Variants in LCP1 observed in about 807,000 individuals in gnomAD.
LCP1 encodes the protein lymphocyte cytosolic protein 1, also known as plastin-2.
A neutral mutation model predicts 72.0 loss-of-function variants in LCP1; 23 were observed. The observed-to-expected ratio is 0.32, with a 90% CI of 0.23 to 0.45. LCP1 has a LOEUF of 0.45. Among genes scored for constraint, LCP1 ranks in the 20% least tolerant of loss-of-function variants. The pLI is 1.00. For missense variants in LCP1, 571 were observed against 748.3 expected (o/e 0.76, Z 2.76); for synonymous variants, 245 against 275.4 (o/e 0.89, Z 1.09).
At chr13:46,133,742 G>A (rs1416074980) in intron 14 of LCP1, among the ~76,000 whole-genome samples, 1 of 151,786 alleles carries the variant, frequency 6.6e-6, no homozygotes, top group Non-Finnish European at 1.5e-5. Flanking sequence ...GAATGGGGAG[G>A]GAGGGAGGAG....
intron 1 of LCP1, among the ~76,000 whole-genome samples, chr13:46,173,801 G>A: frequency 6.6e-6 from 1 of 152,206 alleles, no homozygotes; most frequent in Admixed American, 6.5e-5. Flanking sequence ...AGGGGCTCCG[G>A]GCTTTGCCTT....
chr13:46,161,722 C>T (rs938968183), intron 1 of LCP1, among the ~76,000 whole-genome samples: 2 of 152,084 alleles, frequency 1.3e-5, no homozygotes, highest in East Asian at 1.9e-4. Flanking sequence ...AGAAAGAAAG[C>T]GTAACTGAAA....
At chr13:46,166,554 A>G (rs1226628951) in intron 1 of LCP1, among the ~76,000 whole-genome samples, 1 of 152,202 alleles carries the variant, frequency 6.6e-6, no homozygotes, top group East Asian at 1.9e-4. Context: ...ATTTCAGTAC[A>G]TTTCCAGAGG....
rs1384625332 is a variant in LCP1, at chr13:46,145,766, G to A, written c.1174+1142C>T. On this transcript the variant is annotated intron_variant, in intron 10 of 15. Transcript: ENST00000323076. ...CTACTAAAAATACAAAAAATTAGCC[G>A]GGCGTAGTGGCGGGCGCCTGTAGTC... 2.6e-5 allele frequency among the ~76,000 whole-genome samples: 3 copies of A among 117,556 alleles called. 1 individual carries two copies. Among genetic ancestry groups the A allele is most frequent in the Non-Finnish European group, 5.2e-5 (3 of 57,606 alleles). The allele number at this position is 117,556 out of a possible 152,430, so 77.1% of individuals were successfully genotyped here.
chr13:46,144,103 T>C (rs2045715493), intron 11 of LCP1, among the ~76,000 whole-genome samples: 2 of 152,018 alleles, frequency 1.3e-5, no homozygotes, highest in South Asian at 4.1e-4. Context: ...AGAAGAAAAT[T>C]GCTTTAACAA....
At chr13:46,160,465 C>A (rs1043681265) in intron 1 of LCP1, among the ~76,000 whole-genome samples, 1 of 152,080 alleles carries the variant, frequency 6.6e-6, no homozygotes, top group Non-Finnish European at 1.5e-5. Flanking sequence ...TTTGACCAAG[C>A]CAACAGATAC....
Position 46,168,916 on chromosome 13 carries a change from C to A in LCP1, c.-24-9230G>T, listed in dbSNP as rs1002338319. ...ACCTGCTTTTTTAGGGCTTATTCTC[C>A]AAATCTTTCATAGTTTTCTTTGCTA... On this transcript the variant is annotated intron_variant, in intron 1 of 15. Coordinates refer to ENST00000323076, the MANE Select transcript of LCP1 (RefSeq NM_002298.5). Among the ~76,000 whole-genome samples the A allele has an allele frequency of 2.0e-5, 3 of 152,134 alleles. No individual in the cohort carries two copies. The East Asian group carries it at 5.8e-4, about 29-fold the overall frequency.
intron 10 of LCP1, among the ~76,000 whole-genome samples, chr13:46,145,344 G>A (rs1015533846): frequency 6.6e-6 from 1 of 152,206 alleles, no homozygotes; most frequent in Admixed American, 6.5e-5. Flanking sequence ...GCAGAGGACA[G>A]AGTGTTTGAC....
At chr13:46,165,287 T>C (rs2045869871) in intron 1 of LCP1, among the ~76,000 whole-genome samples, 1 of 151,772 alleles carries the variant, frequency 6.6e-6, no homozygotes, top group Admixed American at 6.6e-5. Context: ...GGTGGGAGGA[T>C]CACTTGAACC....
At chr13:46,155,698 G>C (rs1329604079) in intron 5 of LCP1, among the ~76,000 whole-genome samples, 1 of 152,166 alleles carries the variant, frequency 6.6e-6, no homozygotes, top group African/African-American at 2.4e-5. Context: ...AAGAGCTACA[G>C]AGGTATTTTC....
chr13:46,174,849 A>G (rs986328046), intron 1 of LCP1, among the ~76,000 whole-genome samples: 2 of 151,766 alleles, frequency 1.3e-5, no homozygotes, highest in African/African-American at 2.4e-5. Flanking sequence ...AAAAAAAAAA[A>G]AAGAAAAAAG....
intron 11 of LCP1, among the ~76,000 whole-genome samples, chr13:46,143,683 C>A (rs2045711954): frequency 6.6e-6 from 1 of 152,190 alleles, no homozygotes; most frequent in South Asian, 2.1e-4. Flanking sequence ...GTACACCAAA[C>A]CCCTGCAACA....
chr13:46,163,048 G>A (rs1162354659), intron 1 of LCP1, among the ~76,000 whole-genome samples: 3 of 151,586 alleles, frequency 2.0e-5, no homozygotes, highest in East Asian at 2.0e-4. Context: ...CGCCCCGTCC[G>A]GGAGGGAGGT....
At chr13:46,160,676 G>A (rs1463440486) in intron 1 of LCP1, among the ~76,000 whole-genome samples, 4 of 152,084 alleles carry the variant, frequency 2.6e-5, no homozygotes, top group Non-Finnish European at 5.9e-5. Context: ...GCCCTCTAGT[G>A]GGTGAGAAGA....
chr13:46,141,733 G>A (rs1314652181), intron 13 of LCP1, among the ~76,000 whole-genome samples: 3 of 152,152 alleles, frequency 2.0e-5, no homozygotes, highest in Admixed American at 6.5e-5. Context: ...AATATTTTAG[G>A]TAGACAGAAA....
At chr13:46,150,243 G>A (rs974983887) in intron 8 of LCP1, among the ~76,000 whole-genome samples, 6 of 152,184 alleles carry the variant, frequency 3.9e-5, no homozygotes, top group African/African-American at 7.2e-5. Context: ...TCCTTCTAGG[G>A]ACCGCTTTCC....
At chr13:46,170,412 T>A (rs2045899232) in intron 1 of LCP1, among the ~76,000 whole-genome samples, 1 of 152,228 alleles carries the variant, frequency 6.6e-6, no homozygotes, top group African/African-American at 2.4e-5. Context: ...GCTGGGCTTC[T>A]TGGCACTGTT....
intron 1 of LCP1, among the ~76,000 whole-genome samples, chr13:46,163,447 TAA>T (rs2045857601): frequency 6.6e-6 from 1 of 152,072 alleles, no homozygotes; most frequent in Non-Finnish European, 1.5e-5. Flanking sequence ...GCATGCTCGT[TAA>T]GAGTCATCAC....
At chr13:46,143,935 A>T (rs760810631) in intron 11 of LCP1, among the ~76,000 whole-genome samples, 3 of 152,270 alleles carry the variant, frequency 2.0e-5, no homozygotes, top group South Asian at 4.1e-4. Flanking sequence ...GCATGGTGGC[A>T]GGTGCCTGAA....
Sources: gnomAD v4.1 joint callset for allele counts (sites outside exome capture counted in the v4.1 genomes callset) on GRCh38, gnomAD v4.1.1 for gene constraint, MANE v1.5 for transcripts, NCBI Gene and HGNC (gene_info 2026-07-23, HGNC 2026-07-21) for gene names.